The following NPAT variants were observed in gnomAD, a reference collection of about 807,000 sequenced individuals.
NPAT encodes the protein protein NPAT.
Under a neutral mutation model 130.7 loss-of-function variants are expected in NPAT, and 52 were observed. The observed-to-expected ratio is 0.40, with a 90% CI of 0.32 to 0.50. The LOEUF (loss-of-function observed/expected upper bound fraction) is 0.50, where lower values mean the gene tolerates loss of function less well. NPAT is among the 20% of genes least tolerant of loss of function. The pLI is 0.68. For missense variants in NPAT, 1,687 were observed against 1,662.6 expected (o/e 1.01, Z -0.26); for synonymous variants, 580 against 584.8 (o/e 0.99, Z 0.12).
chr11:108,173,661 G>A lies in NPAT; in HGVS notation c.1323C>T (p.Asp441=). Residue 441 remains aspartate (D), a synonymous_variant, in exon 13 of 18, where the codon GAC becomes GAT. Coordinates refer to ENST00000278612, the MANE Select transcript of NPAT (RefSeq NM_002519.3). ...AATTAGGCACGGACTCAAAGGTAATGTCAATGTCACACTTCTGTTCAGTGG... is the reference window on the plus strand; with the variant it reads ...AATTAGGCACGGACTCAAAGGTAATATCAATGTCACACTTCTGTTCAGTGG... ...AVPTEQKCDI[D]ITFESVPNLN... is the part of the protein sequence containing the mutation. 1 of 1,614,160 alleles carries A rather than the reference G, an allele frequency of 6.2e-7. No individual in the cohort carries two copies. The highest frequency in any genetic ancestry group is 8.5e-7 in the Non-Finnish European group (1 of 1,180,030).
chr11:108,192,263 C>T lies in NPAT; in HGVS notation c.218-73G>A, dbSNP rs2078177143. On this transcript the variant is annotated intron_variant, in intron 3 of 17. Transcript: ENST00000278612. ...TCATCATTCATTCTGAACAAAGACA[C>T]ACAAAAAACCTTGTCTCTCAATTAT... 3.1e-5 allele frequency: 29 copies of T among 932,410 alleles called. No individual in the cohort carries two copies. In the South Asian group the frequency reaches 3.5e-4, roughly 11 times the overall value. The allele number at this position is 932,410 out of a possible 1,614,324, so 57.8% of individuals were successfully genotyped here.
At position 108,200,925 on chromosome 11, in the gene NPAT, C is replaced by T. The variant is rs184584686; in HGVS notation, c.38-3505G>A. Among the ~76,000 whole-genome samples, 5 of 152,346 alleles carry T rather than the reference C, an allele frequency of 3.3e-5. No homozygotes were observed. The East Asian group carries it at 9.6e-4, about 29-fold the overall frequency. On this transcript the variant is annotated intron_variant, in intron 1 of 17. Transcript: ENST00000278612. ...CACCCCAACTGCCAGTATTTATTTG[C>T]ATTCAAAGATCCATCCAACCAGACC...
Position 108,169,949 on chromosome 11 carries a change from G to T in NPAT, c.2880C>A (p.Asn960Lys), listed in dbSNP as rs749086655. The change falls in exon 14 of 18, where the codon AAC becomes AAA. Residue 960 changes from asparagine (N) to lysine (K), a missense_variant. This residue lies in a region of NPAT where 1,379 missense variants were observed against 1,346.6 expected (regional missense o/e 1.02). Coordinates refer to ENST00000278612, the MANE Select transcript of NPAT (RefSeq NM_002519.3). ...TTACCTGCCGAGGAGGAGTAGAAAAGTTATTTCCATTCTGTCCAACCACAG... is the reference window on the plus strand; with the variant it reads ...TTACCTGCCGAGGAGGAGTAGAAAATTTATTTCCATTCTGTCCAACCACAG... ...PVSVVGQNGN[N>K]FSTPPRQVLH... The T allele has an allele frequency of 1.9e-5, 31 of 1,613,638 alleles. No individual in the cohort carries two copies. The highest frequency in any genetic ancestry group is 2.5e-5 in the Non-Finnish European group (30 of 1,179,718).
chr11:108,192,001 A>C, intron 4 of NPAT, 117 bp downstream of exon 4: 2 of 778,822 alleles, frequency 2.6e-6, no homozygotes, highest in Non-Finnish European at 4.7e-6. Context: ...CAACCTCTAG[A>C]GTAATTTCAA....
chr11:108,189,008 C>T lies in NPAT; in HGVS notation c.556+98G>A, dbSNP rs181799729. ...TCTCTCTCATCTTTTATGGGGGGGG[C>T]CATAATTTTACACTATGAGTATAAA... On this transcript the variant is annotated intron_variant, in intron 6 of 17. Coordinates refer to ENST00000278612, the MANE Select transcript of NPAT (RefSeq NM_002519.3). 1.4e-5 allele frequency: 13 copies of T among 921,300 alleles called. No individual in the cohort carries two copies. In the African/African-American group the frequency reaches 1.5e-4, roughly 11 times the overall value. The allele number at this position is 921,300 out of a possible 1,614,324, so 57.1% of individuals were successfully genotyped here.
intron 3 of NPAT, among the ~76,000 whole-genome samples, chr11:108,193,117 A>G (rs1296355972): frequency 6.6e-6 from 1 of 152,224 alleles, no homozygotes; most frequent in African/African-American, 2.4e-5. Context: ...TAATGTTGTA[A>G]GCTATTGAAA....
At chr11:108,182,286 G>A (rs187186440) in intron 10 of NPAT, among the ~76,000 whole-genome samples, 1 of 152,240 alleles carries the variant, frequency 6.6e-6, no homozygotes, top group East Asian at 1.9e-4. Flanking sequence ...ATTGACACAG[G>A]ACTTCTAAGT....
Position 108,172,314 on chromosome 11 carries a change from C to T in NPAT, c.2670G>A (p.Leu890=). The T allele has an allele frequency of 6.2e-7, 1 of 1,614,198 alleles. No homozygotes were observed. Among genetic ancestry groups the T allele is most frequent in the Non-Finnish European group, 8.5e-7 (1 of 1,180,034 alleles). The change falls in exon 13 of 18, where the codon TTG becomes TTA. Residue 890 remains leucine (L), a synonymous_variant. Transcript: ENST00000278612. ...TSVSQSNVVV[L]PGNSAPMTAQ... ...CAGTCATAGGTGCAGAATTTCCAGG[C>T]AACACCACTACATTAGACTGACTTA...
chr11:108,196,296 G>C (rs1299382476), intron 2 of NPAT, among the ~76,000 whole-genome samples: 1 of 152,090 alleles, frequency 6.6e-6, no homozygotes, highest in African/African-American at 2.4e-5. Flanking sequence ...ACTTGTATGT[G>C]GTTCCACATG....
At chr11:108,210,187 T>C (rs1304204874) in intron 1 of NPAT, among the ~76,000 whole-genome samples, 2 of 151,650 alleles carry the variant, frequency 1.3e-5, no homozygotes, top group African/African-American at 4.8e-5. Flanking sequence ...GTATGAACAG[T>C]TGTTATCTCA....
At chr11:108,205,020 T>C (rs2078312236) in intron 1 of NPAT, among the ~76,000 whole-genome samples, 1 of 152,188 alleles carries the variant, frequency 6.6e-6, no homozygotes, top group South Asian at 2.1e-4. Context: ...AGTCTCTAAG[T>C]AGGATAAACT....
intron 1 of NPAT, among the ~76,000 whole-genome samples, chr11:108,200,229 AT>A (rs2078262585): frequency 1.3e-5 from 2 of 152,002 alleles, no homozygotes; most frequent in African/African-American, 4.8e-5. Flanking sequence ...TAAGAGACTG[AT>A]TTTTTTCCCT....
chr11:108,219,239 A>G (rs2078461344), intron 1 of NPAT, among the ~76,000 whole-genome samples: 1 of 152,192 alleles, frequency 6.6e-6, no homozygotes, highest in African/African-American at 2.4e-5. Flanking sequence ...TTTCTGCCTC[A>G]GTAGAGTCTC....
chr11:108,162,784 T>C (rs972661522), intron 15 of NPAT, among the ~76,000 whole-genome samples: 11 of 152,166 alleles, frequency 7.2e-5, no homozygotes, highest in Admixed American at 5.9e-4. Context: ...ATGCTCAATA[T>C]AGCACATAAT....
chr11:108,196,284 G>A (rs570093278), intron 2 of NPAT, among the ~76,000 whole-genome samples: 8 of 152,094 alleles, frequency 5.3e-5, no homozygotes, highest in Non-Finnish European at 1.2e-4. Flanking sequence ...GTCTCTACAT[G>A]GACTTGTATG....
chr11:108,168,919 A>T (rs2077924983), intron 15 of NPAT, among the ~76,000 whole-genome samples: 1 of 152,204 alleles, frequency 6.6e-6, no homozygotes, highest in African/African-American at 2.4e-5. Flanking sequence ...ATGTATGCAC[A>T]TATGTCACCC....
chr11:108,199,057 C>G (rs951272870), intron 1 of NPAT, among the ~76,000 whole-genome samples: 1 of 152,170 alleles, frequency 6.6e-6, no homozygotes, highest in Non-Finnish European at 1.5e-5. Context: ...GGTAGAGGGA[C>G]GGAATGAGCT....
intron 4 of NPAT, among the ~76,000 whole-genome samples, 159 bp from the exon 5 acceptor site, chr11:108,190,659 CTG>C (rs1391696269): frequency 3.3e-5 from 5 of 152,162 alleles, no homozygotes; most frequent in Non-Finnish European, 7.4e-5. Context: ...GGGCAAGCAA[CTG>C]TGATTTGCTT....
rs555784535 is a variant in NPAT at position 108,157,823 on chromosome 11, G to C, written c.*1119C>G. 23 of 152,616 alleles carry C rather than the reference G, an allele frequency of 1.5e-4. 1 individual carries two copies. In the South Asian group the frequency reaches 4.8e-3, roughly 32 times the overall value. 9.5% of individuals were successfully genotyped at this position (152,616 alleles called of 1,614,324 possible). A position where few individuals can be genotyped will look rare whatever the true frequency, so the allele number is the denominator to read the frequency against. ...ACCAATTCTTCAACTGGACTGATGT[G>C]TGTGAGTCTAATACAGAGAAGGCAC... On this transcript the variant is annotated 3_prime_UTR_variant, in exon 18 of 18. Transcript: ENST00000278612.
Sources: allele counts gnomAD v4.1 joint callset (sites outside exome capture counted in the v4.1 genomes callset), GRCh38; gene constraint gnomAD v4.1.1; regional missense constraint gnomAD v4.1.1; transcripts MANE v1.5; gene names NCBI Gene and HGNC (gene_info 2026-07-23, HGNC 2026-07-21).